CNOT7: variants seen among roughly 807,000 people sequenced by gnomAD.
CNOT7 encodes the protein CCR4-NOT transcription complex subunit 7.
In CNOT7, 4 loss-of-function variants were observed where a neutral mutation model predicts 37.1. The observed-to-expected ratio is 0.11, with a 90% confidence interval of 0.05 to 0.25. The LOEUF (loss-of-function observed/expected upper bound fraction) is 0.25, where lower values mean the gene tolerates loss of function less well. CNOT7 is among the 10% of genes least tolerant of loss of function. CNOT7 has a pLI of 1.00. For synonymous variants in CNOT7, 128 were observed against 115.6 expected (o/e 1.11, Z -0.69); for missense variants, 170 against 336.2 (o/e 0.51, Z 3.87).
rs1808262593 is a variant in CNOT7 at position 17,227,851 on chromosome 8, G to GA, written c.*2868dup. The GA allele has an allele frequency of 6.6e-6, 1 of 151,856 alleles. No homozygotes were observed. Among genetic ancestry groups the GA allele is most frequent in the Admixed American group, 6.6e-5 (1 of 15,220 alleles). The allele number at this position is 151,856 out of a possible 1,614,324, so 9.4% of individuals were successfully genotyped here. A position where few individuals can be genotyped will look rare whatever the true frequency, so the allele number is the denominator to read the frequency against. On this transcript the variant is annotated 3_prime_UTR_variant, in exon 7 of 7. Transcript: ENST00000361272. ...TTTCTTGTTCTGAGATACAGGGCAT[G>GA]AACTGGTAGCAGAAAAAGTAATAAA...
intron 5 of CNOT7, among the ~76,000 whole-genome samples, chr8:17,233,625 G>A (rs1036637110): frequency 1.3e-5 from 2 of 152,118 alleles, no homozygotes; most frequent in Non-Finnish European, 2.9e-5. Flanking sequence ...ATGAAAACAT[G>A]TAGGCCTCAG....
chr8:17,227,495 T>G lies in CNOT7; in HGVS notation c.*3225A>C, dbSNP rs1808239540. On this transcript the variant is annotated 3_prime_UTR_variant, in exon 7 of 7. Coordinates refer to ENST00000361272, the MANE Select transcript of CNOT7 (RefSeq NM_013354.7). The stretch of plus-strand genomic sequence containing the variant: ...TTAATTTTCTCTGGACACATGTCTT[T>G]GGGTTGGTTACTATCTTCAAGCACG... The G allele has an allele frequency of 6.6e-6, 1 of 151,900 alleles. No individual in the cohort carries two copies. The allele number at this position is 151,900 out of a possible 1,614,324, so 9.4% of individuals were successfully genotyped here. A position where few individuals can be genotyped will look rare whatever the true frequency, so the allele number is the denominator to read the frequency against.
At chr8:17,238,876 G>C (rs1809755880) in intron 3 of CNOT7, among the ~76,000 whole-genome samples, 1 of 152,102 alleles carries the variant, frequency 6.6e-6, no homozygotes, top group South Asian at 2.1e-4. Context: ...AGACTACAAA[G>C]ACAGCTTGCC....
intron 5 of CNOT7, among the ~76,000 whole-genome samples, chr8:17,234,049 C>T (rs1241361463): frequency 3.9e-5 from 6 of 151,984 alleles, no homozygotes; most frequent in African/African-American, 9.7e-5. Flanking sequence ...AGCAAGGCTC[C>T]GTCTCAAAAA....
chr8:17,237,298 TTC>T lies in CNOT7; in HGVS notation c.385_386del (p.Glu129ArgfsTer3). 3 of 1,614,122 alleles carry T rather than the reference TTC, an allele frequency of 1.9e-6. No homozygotes were observed. The highest frequency in any genetic ancestry group is 2.5e-6 in the Non-Finnish European group (3 of 1,179,958). ...CTGCAAAGTACTGGGTTTCAATTCC[TTC>T]CTCCTCATGTTTTTTAAACTGGATA... ...SGIQFKKHEE[E>X]GIETQYFAEL... On this transcript the variant is annotated frameshift_variant, in exon 4 of 7. Transcript: ENST00000361272. LOFTEE classifies it high-confidence loss of function.
chr8:17,237,132 T>C (rs1809476711), intron 4 of CNOT7, 80 bp downstream of exon 4: 1 of 1,371,406 alleles, frequency 7.3e-7, no homozygotes, highest in African/African-American at 1.4e-5. Context: ...AACCTGAAAT[T>C]GCTAACATAG....
At chr8:17,244,688 A>G in intron 2 of CNOT7, 1 of 179,502 alleles carries the variant, frequency 5.6e-6, no homozygotes, top group Non-Finnish European at 1.2e-5. Context: ...CAATCACAGA[A>G]TTACCCCAGC....
intron 3 of CNOT7, among the ~76,000 whole-genome samples, chr8:17,240,051 T>C (rs938583070): frequency 2.0e-5 from 3 of 152,240 alleles, no homozygotes; most frequent in Non-Finnish European, 4.4e-5. Flanking sequence ...ACTAAATCCC[T>C]AGTGTCTAGC....
chr8:17,230,988 C>G (rs888262872), intron 6 of CNOT7, 140 bp from the exon 7 acceptor site: 1 of 577,046 alleles, frequency 1.7e-6, no homozygotes, highest in African/African-American at 1.9e-5. Flanking sequence ...TTTGAGGCTA[C>G]GCATTTCAGT....
In CNOT7 at chr8:17,232,475, T is replaced by C. The variant is rs1037906719; in HGVS notation, c.681A>G (p.Ala227=). 5.6e-6 allele frequency: 9 copies of C among 1,614,126 alleles called. No homozygotes were observed. Among genetic ancestry groups the C allele is most frequent in the Middle Eastern group, 1.7e-4 (1 of 6,060 alleles). ...TTCCTGTGAGCAATGAATCAGATCC[T>C]GCCTGATGTTGTGGTCCTATCCGTT... is the stretch of plus-strand genomic sequence containing the variant. ...ELERIGPQHQ[A]GSDSLLTGMA... The change falls in exon 6 of 7, where the codon GCA becomes GCG. Residue 227 remains alanine, a synonymous_variant. Transcript: ENST00000361272.
chr8:17,233,542 G>C (rs62497352), intron 5 of CNOT7, among the ~76,000 whole-genome samples: 16 of 152,118 alleles, frequency 1.1e-4, no homozygotes, highest in African/African-American at 3.6e-4. Flanking sequence ...ACAACCACAT[G>C]ATGAGCAATA....
intron 3 of CNOT7, among the ~76,000 whole-genome samples, chr8:17,238,146 A>G (rs1051864352): frequency 1.3e-5 from 2 of 152,260 alleles, no homozygotes; most frequent in African/African-American, 2.4e-5. Context: ...TTTCCAAAAT[A>G]TATCTGTATC....
chr8:17,243,344 T>C, intron 2 of CNOT7, 159 bp from the exon 3 acceptor site: 1 of 655,654 alleles, frequency 1.5e-6, no homozygotes, highest in Non-Finnish European at 2.7e-6. Context: ...CATCACTTTT[T>C]AGAACCATAA....
At chr8:17,234,475 C>T (rs1322414290) in intron 5 of CNOT7, 3 of 450,428 alleles carry the variant, frequency 6.7e-6, no homozygotes, top group South Asian at 4.5e-5. Flanking sequence ...TGACAAGAAC[C>T]GGACCTAAGC....
intron 3 of CNOT7, chr8:17,237,740 A>G (rs553770669): frequency 4.1e-5 from 8 of 197,478 alleles, no homozygotes; most frequent in Non-Finnish European, 8.5e-5. Flanking sequence ...TCTCAGTCTC[A>G]GCAGCCACTG....
In CNOT7 at chr8:17,228,769, A is replaced by G. The variant is rs1186004686; in HGVS notation, c.*1951T>C. 6.6e-6 allele frequency: 1 copy of G among 151,994 alleles called. No homozygotes were observed. The highest frequency in any genetic ancestry group is 2.4e-5 in the African/African-American group (1 of 41,448). The allele number at this position is 151,994 out of a possible 1,614,324, so 9.4% of individuals were successfully genotyped here. A position where few individuals can be genotyped will look rare whatever the true frequency, so the allele number is the denominator to read the frequency against. On this transcript the variant is annotated 3_prime_UTR_variant, in exon 7 of 7. Transcript: ENST00000361272. ...GGCTAATAAAAAGGCAATCTTTATC[A>G]TTCCTATTTGAAATCCAGCATTGAT... is the stretch of plus-strand genomic sequence containing the variant.
chr8:17,234,883 G>A, intron 4 of CNOT7, 23 bp from the exon 5 acceptor site: 1 of 1,607,558 alleles, frequency 6.2e-7, no homozygotes, highest in Non-Finnish European at 8.5e-7. Context: ...TAAAAGAATA[G>A]AGAAGAGGGA....
At chr8:17,240,170 C>G (rs79354463) in intron 3 of CNOT7, among the ~76,000 whole-genome samples, 1 of 152,186 alleles carries the variant, frequency 6.6e-6, no homozygotes, top group East Asian at 1.9e-4. Context: ...AGGCATTACT[C>G]GTTTATCTTC....
chr8:17,244,847 G>T, intron 2 of CNOT7, 189 bp downstream of exon 2: 1 of 548,772 alleles, frequency 1.8e-6, no homozygotes, highest in Non-Finnish European at 3.2e-6. Flanking sequence ...CTGCAATGAG[G>T]GATAAACCCA....
Sources: allele counts gnomAD v4.1 joint callset (sites outside exome capture counted in the v4.1 genomes callset), GRCh38; gene constraint gnomAD v4.1.1; transcripts MANE v1.5; gene names NCBI Gene and HGNC (gene_info 2026-07-23, HGNC 2026-07-21).